FOXN3: variants seen among roughly 807,000 people sequenced by gnomAD.
FOXN3 encodes the protein forkhead box N3, also known as forkhead box protein N3.
A neutral mutation model predicts 38.4 loss-of-function variants in FOXN3; 7 were observed. The ratio of observed to expected loss-of-function variants is 0.18; its 90% CI spans 0.10 to 0.34. FOXN3 has a LOEUF of 0.34. Ranked by LOEUF, FOXN3 falls within the 10% of genes least tolerant of loss-of-function variation. The probability of loss-of-function intolerance (pLI) is 1.00; values close to 1 mark genes in which losing one functional copy is unlikely to be tolerated. For missense variants in FOXN3, 456 were observed against 613.4 expected (o/e 0.74, Z 2.71); for synonymous variants, 230 against 242.2 (o/e 0.95, Z 0.47).
intron 5 of FOXN3, among the ~76,000 whole-genome samples, chr14:89,169,583 A>G (rs999602502): frequency 6.6e-6 from 1 of 152,170 alleles, no homozygotes; most frequent in Non-Finnish European, 1.5e-5. Context: ...CCAGAACCAA[A>G]GTACTGGAGA....
intron 4 of FOXN3, among the ~76,000 whole-genome samples, chr14:89,261,725 C>T (rs925716552): frequency 1.3e-5 from 2 of 151,934 alleles, no homozygotes; most frequent in African/African-American, 2.4e-5. Context: ...GTCAGGAGAT[C>T]GAGACCATCC....
chr14:89,390,060 A>T (rs1438964100), intron 2 of FOXN3, among the ~76,000 whole-genome samples: 1 of 151,538 alleles, frequency 6.6e-6, no homozygotes, highest in African/African-American at 2.4e-5. Flanking sequence ...TCTTTACAAA[A>T]ATAATAATAA....
At chr14:89,553,142 A>G (rs173377) in intron 1 of FOXN3, among the ~76,000 whole-genome samples, 132,357 of 151,654 alleles carry the variant, frequency 0.87, 57,924 homozygotes, top group African/African-American at 0.9. Context: ...GGGAGGCTGA[A>G]GTGGAAGGAT....
chr14:89,223,598 T>C (rs1884538841), intron 4 of FOXN3, among the ~76,000 whole-genome samples: 2 of 152,352 alleles, frequency 1.3e-5, no homozygotes, highest in Admixed American at 6.5e-5. Flanking sequence ...CAGAAGCCCC[T>C]GGTAGGTCCC....
intron 2 of FOXN3, among the ~76,000 whole-genome samples, chr14:89,367,406 C>T (rs1027530740): frequency 3.3e-5 from 5 of 152,210 alleles, no homozygotes; most frequent in East Asian, 1.9e-4. Flanking sequence ...AAACCATCTC[C>T]GACCCACATG....
In FOXN3 at chr14:89,391,250, T is replaced by C. The variant is rs769759419; in HGVS notation, c.543+20684A>G. Reference sequence around the variant, plus strand: ...CAGACTGTGTTAAAGGGCACGACTGTGTCTCAGAAATAAAATACGGTTACA... The same window carrying C: ...CAGACTGTGTTAAAGGGCACGACTGCGTCTCAGAAATAAAATACGGTTACA... On this transcript the variant is annotated intron_variant, in intron 2 of 5. Coordinates refer to ENST00000557258, the MANE Select transcript of FOXN3 (RefSeq NM_005197.4). Among the ~76,000 whole-genome samples the C allele has an allele frequency of 3.3e-5, 5 of 152,182 alleles. 1 individual carries two copies. The South Asian group carries it at 1.0e-3, about 32-fold the overall frequency.
intron 3 of FOXN3, among the ~76,000 whole-genome samples, chr14:89,307,460 T>C (rs1334502102): frequency 2.0e-5 from 3 of 151,238 alleles, no homozygotes; most frequent in African/African-American, 7.4e-5. Flanking sequence ...CAATTATATA[T>C]ATGTGTGTAA....
At chr14:89,561,746 A>G (rs181859933) in intron 1 of FOXN3, among the ~76,000 whole-genome samples, 9 of 152,322 alleles carry the variant, frequency 5.9e-5, no homozygotes, top group Admixed American at 2.0e-4. Context: ...AATCATATCA[A>G]AATAACATGA....
chr14:89,588,051 G>A (rs567645737), intron 1 of FOXN3, among the ~76,000 whole-genome samples: 10 of 152,214 alleles, frequency 6.6e-5, no homozygotes, highest in African/African-American at 2.4e-4. Flanking sequence ...GGAGGTGACT[G>A]GATCATGGGG....
intron 3 of FOXN3, among the ~76,000 whole-genome samples, chr14:89,340,793 A>C (rs1238785560): frequency 6.6e-6 from 1 of 152,100 alleles, no homozygotes; most frequent in Non-Finnish European, 1.5e-5. Context: ...TTCACACGGA[A>C]GGAAATGCAA....
At chr14:89,483,024 A>G (rs1419777618) in intron 1 of FOXN3, among the ~76,000 whole-genome samples, 1 of 152,218 alleles carries the variant, frequency 6.6e-6, no homozygotes, top group Non-Finnish European at 1.5e-5. Flanking sequence ...CCTGGCCAAC[A>G]TGGCGAAACC....
chr14:89,245,652 G>A (rs1885271600), intron 4 of FOXN3, among the ~76,000 whole-genome samples: 2 of 152,104 alleles, frequency 1.3e-5, no homozygotes, highest in Non-Finnish European at 2.9e-5. Flanking sequence ...ACCAGCATTT[G>A]GAAAAGTGGT....
chr14:89,244,117 G>A (rs1885221513), intron 4 of FOXN3, among the ~76,000 whole-genome samples: 1 of 152,158 alleles, frequency 6.6e-6, no homozygotes, highest in African/African-American at 2.4e-5. Context: ...CTAGAGATCT[G>A]GGAATCCTCT....
At chr14:89,354,236 G>C (rs1043375009) in intron 2 of FOXN3, among the ~76,000 whole-genome samples, 1 of 146,930 alleles carries the variant, frequency 6.8e-6, no homozygotes, top group Non-Finnish European at 1.5e-5. Flanking sequence ...TTTTTTGTTT[G>C]TTTTTTCTTA....
At chr14:89,476,156 A>G (rs1053787983) in intron 1 of FOXN3, among the ~76,000 whole-genome samples, 1 of 152,172 alleles carries the variant, frequency 6.6e-6, no homozygotes, top group Non-Finnish European at 1.5e-5. Context: ...TCACAAACAC[A>G]CACCTTTTTG....
At chr14:89,525,188 A>T (rs1894409385) in intron 1 of FOXN3, among the ~76,000 whole-genome samples, 1 of 152,100 alleles carries the variant, frequency 6.6e-6, no homozygotes, top group Admixed American at 6.5e-5. Flanking sequence ...AGGCATTCTT[A>T]CTCACAGGGT....
intron 4 of FOXN3, among the ~76,000 whole-genome samples, chr14:89,184,928 G>A (rs1457714054): frequency 6.6e-6 from 1 of 152,192 alleles, no homozygotes; most frequent in East Asian, 1.9e-4. Flanking sequence ...TATGCTTTTT[G>A]TAGTTATTCC....
At chr14:89,614,468 T>A (rs1322339915) in intron 1 of FOXN3, among the ~76,000 whole-genome samples, 1 of 152,180 alleles carries the variant, frequency 6.6e-6, no homozygotes, top group Non-Finnish European at 1.5e-5. Flanking sequence ...GTAGGCTTCC[T>A]AGGGTACACT....
intron 1 of FOXN3, among the ~76,000 whole-genome samples, chr14:89,559,598 T>C (rs1481640166): frequency 1.3e-5 from 2 of 151,812 alleles, no homozygotes; most frequent in African/African-American, 4.8e-5. Flanking sequence ...GTTGCTTGAA[T>C]CCAGGAGGCG....
Sources: allele counts gnomAD v4.1 joint callset (sites outside exome capture counted in the v4.1 genomes callset), GRCh38; gene constraint gnomAD v4.1.1; transcripts MANE v1.5; gene names NCBI Gene and HGNC (gene_info 2026-07-23, HGNC 2026-07-21).